TENM2: variants seen among roughly 807,000 people sequenced by gnomAD.
TENM2 encodes the protein teneurin transmembrane protein 2, also known as teneurin-2.
TENM2 carries 52 observed loss-of-function variants against 245.2 expected under a neutral mutation model. The ratio of observed to expected loss-of-function variants is 0.21; its 90% CI spans 0.17 to 0.27. The LOEUF (loss-of-function observed/expected upper bound fraction) is 0.27. Among genes scored for constraint, TENM2 ranks in the 10% least tolerant of loss-of-function variants. TENM2 has a pLI of 1.00. For missense variants in TENM2, 3,046 were observed against 3,666.8 expected (o/e 0.83, Z 4.37); for synonymous variants, 1,363 against 1,438.9 (o/e 0.95, Z 1.19).
chr5:167,366,468 C>T (rs563763394), intron 1 of TENM2, among the ~76,000 whole-genome samples: 92 of 152,124 alleles, frequency 6.0e-4, no homozygotes, highest in African/African-American at 2.1e-3. Context: ...AAGCATTTTC[C>T]GCTGCTTTGT....
rs565676881 is a variant in TENM2 at position 167,543,313 on chromosome 5, A to G, written c.502+167840A>G. ...CAGAAGTTGTCCTGTGTCATCTGTG[A>G]CACCTTCTATTGGTCAAAGCAAATC... On this transcript the variant is annotated intron_variant, in intron 2 of 28. Transcript: ENST00000518659. Among the ~76,000 whole-genome samples the G allele has an allele frequency of 2.0e-5, 3 of 152,262 alleles. No individual in the cohort carries two copies. The South Asian group carries it at 6.2e-4, about 32-fold the overall frequency.
intron 2 of TENM2, among the ~76,000 whole-genome samples, chr5:167,694,754 C>T (rs748627205): frequency 5.3e-5 from 8 of 152,180 alleles, no homozygotes; most frequent in Middle Eastern, 3.4e-3. Context: ...GTGGTAAGTG[C>T]GTTAAGTGAA....
chr5:167,949,747 T>C (rs1372438637), intron 3 of TENM2, among the ~76,000 whole-genome samples: 1 of 152,178 alleles, frequency 6.6e-6, no homozygotes, highest in African/African-American at 2.4e-5. Context: ...TCCTAACCTC[T>C]AGCTAAATGC....
intron 9 of TENM2, among the ~76,000 whole-genome samples, chr5:168,103,112 A>G (rs1793955256): frequency 1.4e-5 from 2 of 147,816 alleles, no homozygotes; most frequent in South Asian, 4.2e-4. Flanking sequence ...ATTCCCACCT[A>G]TGAGCGAGAA....
chr5:167,864,100 G>T (rs1048001844), intron 2 of TENM2, among the ~76,000 whole-genome samples: 18 of 152,154 alleles, frequency 1.2e-4, no homozygotes. Context: ...TGAGGAACGG[G>T]TGGGGTACTG....
At chr5:167,768,960 C>T (rs1763222174) in intron 2 of TENM2, among the ~76,000 whole-genome samples, 1 of 152,160 alleles carries the variant, frequency 6.6e-6, no homozygotes, top group African/African-American at 2.4e-5. Context: ...ATCTCCTAAA[C>T]AGCAGCTCTG....
chr5:167,798,226 C>T (rs1213871600), intron 2 of TENM2, among the ~76,000 whole-genome samples: 2 of 152,230 alleles, frequency 1.3e-5, no homozygotes, highest in Admixed American at 1.3e-4. Context: ...CAGATGTCAG[C>T]TTTACCAGCA....
At chr5:167,992,638 G>C (rs896794400) in intron 4 of TENM2, among the ~76,000 whole-genome samples, 1 of 152,104 alleles carries the variant, frequency 6.6e-6, no homozygotes, top group Non-Finnish European at 1.5e-5. Flanking sequence ...ATAACACTTA[G>C]CATCCTCAAC....
intron 5 of TENM2, among the ~76,000 whole-genome samples, chr5:168,036,677 G>GTATATATATATATATATA (rs60784450): frequency 5.1e-5 from 6 of 117,792 alleles, no homozygotes; most frequent in African/African-American, 2.0e-4. Flanking sequence ...ATATGTATGT[G>GTATATATATATATATATA]TATATATATA....
intron 2 of TENM2, among the ~76,000 whole-genome samples, chr5:167,788,931 A>G (rs926294827): frequency 6.6e-6 from 1 of 152,160 alleles, no homozygotes; most frequent in Admixed American, 6.5e-5. Context: ...CAACTCTTCA[A>G]AATGACAGGT....
At chr5:167,732,055 G>A (rs950969342) in intron 2 of TENM2, among the ~76,000 whole-genome samples, 2 of 152,150 alleles carry the variant, frequency 1.3e-5, no homozygotes, top group Non-Finnish European at 2.9e-5. Context: ...TTGTGATACT[G>A]ATCTTGTGAC....
chr5:167,101,860 T>TATATATATATATATATATATAA, the TENM2 span, among the ~76,000 whole-genome samples: 2 of 126,114 alleles, frequency 1.6e-5, no homozygotes, highest in Non-Finnish European at 3.3e-5. Context: ...TATATATATA[T>TATATATATATATATATATATAA]ATATATATAT....
chr5:167,622,325 A>G (rs1778229426), intron 2 of TENM2, among the ~76,000 whole-genome samples: 1 of 152,172 alleles, frequency 6.6e-6, no homozygotes, highest in African/African-American at 2.4e-5. Flanking sequence ...AAGCGTAGCA[A>G]TATAAAGCAT....
the TENM2 span, among the ~76,000 whole-genome samples, chr5:167,214,105 T>C: frequency 6.6e-6 from 1 of 152,246 alleles, no homozygotes; most frequent in Non-Finnish European, 1.5e-5. Context: ...ATTCCCATTG[T>C]AGTCTACAAA....
At chr5:167,343,243 T>C (rs984293133) in intron 1 of TENM2, among the ~76,000 whole-genome samples, 3 of 152,156 alleles carry the variant, frequency 2.0e-5, no homozygotes, top group Admixed American at 1.3e-4. Context: ...ATCACCTGTA[T>C]TTCTTGTCCC....
At chr5:168,235,042 G>A (rs376655338) in intron 25 of TENM2, among the ~76,000 whole-genome samples, 39 of 152,128 alleles carry the variant, frequency 2.6e-4, no homozygotes, top group East Asian at 5.8e-4. Flanking sequence ...GGGGATGGGC[G>A]TGCCTATGTG....
rs115080163 is a variant in TENM2, at chr5:167,982,114, G to A, written c.948-10830G>A. The stretch of plus-strand genomic sequence containing the variant: ...CTTCTTTCACATCCTCAAAAATTCC[G>A]TCTTTCCCACCCCAGGGACTTTGCA... On this transcript the variant is annotated intron_variant, in intron 4 of 28. Coordinates refer to ENST00000518659, the Ensembl canonical transcript of TENM2. Among the ~76,000 whole-genome samples, 357 of 152,026 alleles carry A rather than the reference G, an allele frequency of 2.3e-3. 1 individual carries two copies. The highest frequency in any genetic ancestry group is 8.1e-3 in the African/African-American group (334 of 41,428).
At chr5:167,815,172 C>A (rs1583079210) in intron 2 of TENM2, among the ~76,000 whole-genome samples, 1 of 152,092 alleles carries the variant, frequency 6.6e-6, no homozygotes, top group Admixed American at 6.6e-5. Context: ...GTCGTATTAA[C>A]CCTTTTCATG....
chr5:166,988,427 T>G, the TENM2 span, among the ~76,000 whole-genome samples: 3 of 152,238 alleles, frequency 2.0e-5, no homozygotes, highest in Non-Finnish European at 4.4e-5. Context: ...TCCTTCTGAA[T>G]GCAGTCTTTT....
Sources: allele counts gnomAD v4.1 joint callset (sites outside exome capture counted in the v4.1 genomes callset), GRCh38; gene constraint gnomAD v4.1.1; transcripts MANE v1.5; gene names NCBI Gene and HGNC (gene_info 2026-07-23, HGNC 2026-07-21).